Variants in CD6 observed in about 807,000 individuals in gnomAD.
CD6 encodes T-cell differentiation antigen CD6.
A neutral mutation model predicts 75.3 loss-of-function variants in CD6; 53 were observed. The ratio of observed to expected loss-of-function variants is 0.70; its 90% CI spans 0.56 to 0.88. The LOEUF is 0.88. Ranked by LOEUF, CD6 falls within the 40% of genes least tolerant of loss-of-function variation. The pLI, the probability that CD6 is intolerant of heterozygous loss-of-function variation, is 0.00. For synonymous variants in CD6, 359 were observed against 381.5 expected (o/e 0.94, Z 0.69); for missense variants, 770 against 897.1 (o/e 0.86, Z 1.81).
intron 5 of CD6, 103 bp from the exon 6 acceptor site, chr11:61,010,967 T>C: frequency 1.9e-6 from 2 of 1,048,240 alleles, no homozygotes; most frequent in East Asian, 2.4e-5. Context: ...ACAACCCTAG[T>C]TCTGGGTCAC....
intron 12 of CD6, chr11:61,018,867 GA>G: frequency 7.7e-6 from 2 of 259,640 alleles, no homozygotes; most frequent in South Asian, 1.2e-4. Context: ...AAGAGGTGGG[GA>G]AAATGGATGT....
intron 1 of CD6, among the ~76,000 whole-genome samples, chr11:60,986,612 A>G (rs1331858067): frequency 6.6e-6 from 1 of 152,132 alleles, no homozygotes; most frequent in Non-Finnish European, 1.5e-5. Context: ...TCCGAGAAAC[A>G]CTTGTGGGTT....
Position 61,017,880 on chromosome 11 carries a change from A to G in CD6, c.1704A>G (p.Ser568=), listed in dbSNP as rs1050922. 0.62 allele frequency: 993,021 copies of G among 1,613,662 alleles called. 317,416 individuals are homozygous for G. Among genetic ancestry groups the G allele is most frequent in the Middle Eastern group, 0.82 (4,966 of 6,062 alleles). Residue 568 remains serine, a synonymous_variant, in exon 11 of 13, where the codon TCA becomes TCG. Coordinates refer to ENST00000313421, the MANE Select transcript of CD6 (RefSeq NM_006725.5). The stretch of plus-strand genomic sequence containing the variant: ...GCAACAGTGAGTCGAGCACCTCTTC[A>G]GGGGAGGATTACTGCAATAGTCCCA... ...PRSNSESSTS[S]GEDYCNSPKS... is the part of the protein sequence containing the mutation.
chr11:61,006,276 G>A (rs1297283903), intron 1 of CD6, among the ~76,000 whole-genome samples: 4 of 152,198 alleles, frequency 2.6e-5, no homozygotes, highest in Non-Finnish European at 4.4e-5. Flanking sequence ...TCATGGTCAC[G>A]AAGCCACTTT....
At chr11:61,017,654 C>T (rs1330244061) in intron 10 of CD6, 104 bp downstream of exon 10, 2 of 1,584,210 alleles carry the variant, frequency 1.3e-6, no homozygotes, top group Non-Finnish European at 1.7e-6. Flanking sequence ...TGAGTCTTTC[C>T]TGACTTTCAC....
chr11:60,994,396 G>A (rs1195952680), intron 1 of CD6, among the ~76,000 whole-genome samples: 7 of 138,666 alleles, frequency 5.0e-5, no homozygotes, highest in South Asian at 2.4e-4. Flanking sequence ...AGCCGAGATC[G>A]TGCCACTGCA....
In CD6 at chr11:61,007,493, T is replaced by TCA; in HGVS notation, c.119-67_119-66insCA. The TCA allele has an allele frequency of 8.2e-7, 1 of 1,220,490 alleles. No individual in the cohort carries two copies. The highest frequency in any genetic ancestry group is 1.1e-6 in the Non-Finnish European group (1 of 926,242). 75.6% of individuals were successfully genotyped at this position (1,220,490 alleles called of 1,614,324 possible). A position where few individuals can be genotyped will look rare whatever the true frequency, so the allele number is the denominator to read the frequency against. On this transcript the variant is annotated intron_variant, in intron 2 of 12. Coordinates refer to ENST00000313421, the MANE Select transcript of CD6 (RefSeq NM_006725.5). The surrounding 1 kb of genome is among the most constrained non-coding windows in gnomAD (Gnocchi z 4.2). Reference sequence around the variant, plus strand: ...TGTCAAAGTTCACGCACAGAGTCAGTGGCAGAGCCTGGGCAACCCTCTGCC... The same window carrying TCA: ...TGTCAAAGTTCACGCACAGAGTCAGTCAGGCAGAGCCTGGGCAACCCTCTGCC...
chr11:60,977,271 G>A (rs1014508983), intron 1 of CD6, among the ~76,000 whole-genome samples: 1 of 152,178 alleles, frequency 6.6e-6, no homozygotes, highest in African/African-American at 2.4e-5. Context: ...ATAAACAGGT[G>A]GCCCCAACTG....
At chr11:60,972,079 A>G (rs1401035178) in intron 1 of CD6, among the ~76,000 whole-genome samples, 165 bp downstream of exon 1, 1 of 152,130 alleles carries the variant, frequency 6.6e-6, no homozygotes, top group Non-Finnish European at 1.5e-5. Flanking sequence ...AGGAGAGGAC[A>G]CAGGAGCCCC....
chr11:61,011,427 G>C (rs972173466), intron 6 of CD6, among the ~76,000 whole-genome samples: 1 of 147,620 alleles, frequency 6.8e-6, no homozygotes, highest in African/African-American at 2.4e-5. Flanking sequence ...GAAAGAGCTG[G>C]AGAGAGCTGA....
At chr11:60,998,019 C>T (rs1858389332) in intron 1 of CD6, among the ~76,000 whole-genome samples, 1 of 152,150 alleles carries the variant, frequency 6.6e-6, no homozygotes, top group Admixed American at 6.5e-5. Flanking sequence ...GTACCATGGG[C>T]CCACTTCCGT....
chr11:61,011,781 G>T (rs895932409), intron 6 of CD6, among the ~76,000 whole-genome samples: 1 of 152,176 alleles, frequency 6.6e-6, no homozygotes, highest in African/African-American at 2.4e-5. Context: ...AGACTCCCAG[G>T]ACTCAACTCC....
At chr11:61,008,277 C>G (rs1200559689) in intron 3 of CD6, 4 of 525,688 alleles carry the variant, frequency 7.6e-6, no homozygotes, top group African/African-American at 5.7e-5. Flanking sequence ...TTCACAGGGT[C>G]CCTAAGCGCT....
At chr11:60,972,260 G>A (rs1462848423) in intron 1 of CD6, among the ~76,000 whole-genome samples, 1 of 152,200 alleles carries the variant, frequency 6.6e-6, no homozygotes, top group Non-Finnish European at 1.5e-5. Flanking sequence ...AGAAGGAACC[G>A]TTCACCTTCC....
chr11:61,015,469 G>T (rs749179218), intron 8 of CD6: 38 of 460,642 alleles, frequency 8.2e-5, no homozygotes, highest in Non-Finnish European at 1.3e-4. Flanking sequence ...TACTCGGGAG[G>T]CTGAGGTGGG....
Position 61,009,860 on chromosome 11 carries a change from G to A in CD6, c.1070G>A (p.Arg357Lys). The change falls in exon 5 of 13, where the codon AGG becomes AAG. Residue 357 changes from arginine to lysine, a missense_variant. By Grantham distance (26) the Arg-to-Lys change is conservative. Transcript: ENST00000313421. ...CTCTGCAGCCAGTCGCTGGCAGCCA[G>A]GGTCCTCTGCTCAGGTACCCCATCC... The part of the protein sequence containing the change: ...SNLCSQSLAA[R>K]VLCSASRSLH... The A allele has an allele frequency of 6.4e-7, 1 of 1,562,152 alleles. No homozygotes were observed. The highest frequency in any genetic ancestry group is 8.7e-7 in the Non-Finnish European group (1 of 1,152,364).
chr11:61,005,729 C>G (rs1000284645), intron 1 of CD6, among the ~76,000 whole-genome samples: 1 of 152,084 alleles, frequency 6.6e-6, no homozygotes, highest in African/African-American at 2.4e-5. Context: ...GTCAGGAGTT[C>G]GAGACCAGCC....
Position 61,019,722 on chromosome 11 carries a change from C to T in CD6, c.*404C>T, listed in dbSNP as rs1260346281. The T allele has an allele frequency of 5.5e-6, 1 of 182,154 alleles. No homozygotes were observed. Among genetic ancestry groups the T allele is most frequent in the African/African-American group, 2.3e-5 (1 of 42,660 alleles). 11.3% of individuals were successfully genotyped at this position (182,154 alleles called of 1,614,324 possible). On this transcript the variant is annotated 3_prime_UTR_variant, in exon 13 of 13. Coordinates refer to ENST00000313421, the MANE Select transcript of CD6 (RefSeq NM_006725.5). Reference sequence around the variant, plus strand: ...GCCTGAGTTTCTGACACTTCAGGGCCCAGAGGTCCTGCGAGGGGCAGAACT... The same window carrying T: ...GCCTGAGTTTCTGACACTTCAGGGCTCAGAGGTCCTGCGAGGGGCAGAACT...
At chr11:61,012,207 G>T (rs1428105812) in intron 6 of CD6, among the ~76,000 whole-genome samples, 2 of 152,214 alleles carry the variant, frequency 1.3e-5, no homozygotes, top group African/African-American at 2.4e-5. Flanking sequence ...GCAAGCTCCT[G>T]CCAGGCCCCG....
Sources: allele counts gnomAD v4.1 joint callset (sites outside exome capture counted in the v4.1 genomes callset), GRCh38; gene constraint gnomAD v4.1.1; non-coding constraint Gnocchi (gnomAD v3.1); transcripts MANE v1.5; gene names NCBI Gene and HGNC (gene_info 2026-07-23, HGNC 2026-07-21).